Variants in ANKRD30B observed in about 807,000 individuals in gnomAD.
ANKRD30B encodes ankyrin repeat domain-containing protein 30B.
Under a neutral mutation model 202.2 loss-of-function variants are expected in ANKRD30B, and 144 were observed. The ratio of observed to expected loss-of-function variants is 0.71; its 90% CI spans 0.62 to 0.82. The LOEUF is 0.82. Ranked by LOEUF, ANKRD30B falls within the 40% of genes least tolerant of loss-of-function variation. The pLI is 0.00. For synonymous variants in ANKRD30B, 508 were observed against 561.3 expected, an observed-to-expected ratio of 0.91 and a Z score of 1.34; for missense variants, 1,487 against 1,669.1, an observed-to-expected ratio of 0.89 and a Z score of 1.90.
At chr18:14,863,386 C>T in the ANKRD30B span, among the ~76,000 whole-genome samples, 7 of 152,162 alleles carry the variant, frequency 4.6e-5, no homozygotes, top group South Asian at 4.2e-4. Flanking sequence ...AACAGCCTGC[C>T]GTGTTCCCCT....
intron 16 of ANKRD30B, among the ~76,000 whole-genome samples, chr18:14,794,456 T>G (rs1416765222): frequency 6.6e-6 from 1 of 151,872 alleles, no homozygotes; most frequent in Non-Finnish European, 1.5e-5. Flanking sequence ...ACTCATTTCC[T>G]ATCTCATGAC....
chr18:14,893,615 A>C, the ANKRD30B span, among the ~76,000 whole-genome samples: 39 of 134,290 alleles, frequency 2.9e-4, no homozygotes, highest in East Asian at 7.9e-4. Context: ...CCATCTCACA[A>C]AAAAAAAAAA....
intron 20 of ANKRD30B, 81 bp from the exon 21 acceptor site, chr18:14,799,020 T>G: frequency 7.5e-7 from 1 of 1,329,162 alleles, no homozygotes. Flanking sequence ...AGGATTCGTC[T>G]TCATATTCAC....
intron 30 of ANKRD30B, among the ~76,000 whole-genome samples, chr18:14,820,006 T>A: frequency 6.6e-6 from 1 of 152,100 alleles, no homozygotes; most frequent in Non-Finnish European, 1.5e-5. Flanking sequence ...CATGGAATGT[T>A]CTTCCATTTG....
intron 24 of ANKRD30B, among the ~76,000 whole-genome samples, chr18:14,806,557 G>C (rs1228531353): frequency 1.3e-5 from 2 of 150,042 alleles, no homozygotes; most frequent in Non-Finnish European, 3.0e-5. Flanking sequence ...TTCCCTGCTT[G>C]CTTCCTCTGC....
the ANKRD30B span, among the ~76,000 whole-genome samples, chr18:14,870,206 G>A: frequency 1.3e-5 from 2 of 152,182 alleles, no homozygotes; most frequent in East Asian, 1.9e-4. Context: ...ATAGCTCACT[G>A]CAGGCTCAGA....
chr18:14,768,878 A>G (rs763924577), intron 7 of ANKRD30B, among the ~76,000 whole-genome samples: 9 of 152,180 alleles, frequency 5.9e-5, no homozygotes, highest in Admixed American at 2.6e-4. Flanking sequence ...GATTATGACT[A>G]TTGTATACTG....
the ANKRD30B span, chr18:14,883,957 C>G: frequency 4.8e-6 from 1 of 209,442 alleles, no homozygotes; most frequent in Non-Finnish European, 7.7e-6. Context: ...TTATTAGACC[C>G]TGTAGAATCC....
At chr18:14,856,100 T>C (rs1438203153), downstream of ANKRD30B, among the ~76,000 whole-genome samples, 1 of 139,270 alleles carries the variant, frequency 7.2e-6, no homozygotes, top group African/African-American at 2.7e-5. Flanking sequence ...GCAGAGGCGC[T>C]CCTCACCTCC....
the ANKRD30B span, among the ~76,000 whole-genome samples, chr18:14,891,296 C>G: frequency 1.8e-3 from 271 of 149,142 alleles, 7 homozygotes; most frequent in Non-Finnish European, 5.1e-4. Flanking sequence ...AATAAAATTT[C>G]TATTCATGTC....
At position 14,764,052 on chromosome 18, in the gene ANKRD30B, G is replaced by A. The variant is rs1291010870; in HGVS notation, c.1187G>A (p.Cys396Tyr). 6.4e-7 allele frequency: 1 copy of A among 1,550,724 alleles called. No individual in the cohort carries two copies. The highest frequency in any genetic ancestry group is 2.3e-5 in the East Asian group (1 of 43,068). The change falls in exon 7 of 44, where the codon TGT (cysteine) becomes TAT (tyrosine). Residue 396 changes from cysteine to tyrosine, a missense_variant. By Grantham distance (194) the Cys-to-Tyr change is radical (BLOSUM62 -2). Around this residue, in one of 6 missense-constraint regions of ANKRD30B, gnomAD observed 889 missense variants for 841.4 expected, o/e 1.06. Coordinates refer to ENST00000690538, the MANE Select transcript of ANKRD30B (RefSeq NM_001367607.2). ...LEKGTSNMIA[C>Y]PTKETSTKAS... is the part of the protein sequence containing the mutation. ...AAAGGAACATCTAATATGATTGCAT[G>A]TCCTACAAAAGAAACATCTACAAAA...
At chr18:14,891,255 A>AT in the ANKRD30B span, among the ~76,000 whole-genome samples, 1 of 151,158 alleles carries the variant, frequency 6.6e-6, no homozygotes, top group African/African-American at 2.4e-5. Context: ...TCTCTTATTT[A>AT]TTTTTTTGAC....
At chr18:14,808,322 T>A (rs1969660393) in intron 24 of ANKRD30B, 1 of 547,690 alleles carries the variant, frequency 1.8e-6, no homozygotes, top group Admixed American at 2.4e-5. Context: ...TTTTGACTGT[T>A]GAAATCTTCA....
chr18:14,818,981 G>T (rs1343296085), intron 30 of ANKRD30B, among the ~76,000 whole-genome samples: 1 of 152,128 alleles, frequency 6.6e-6, no homozygotes, highest in East Asian at 1.9e-4. Context: ...CCCACCAACA[G>T]TGTCAAAGTG....
At chr18:14,793,799 C>G (rs895004463) in intron 16 of ANKRD30B, among the ~76,000 whole-genome samples, 73 of 151,704 alleles carry the variant, frequency 4.8e-4, no homozygotes, top group African/African-American at 1.7e-3. Flanking sequence ...GAGGTTGAGG[C>G]AGGAGAATGG....
chr18:14,797,219 C>T (rs553794337), intron 18 of ANKRD30B, among the ~76,000 whole-genome samples: 26 of 152,188 alleles, frequency 1.7e-4, no homozygotes, highest in South Asian at 4.1e-4. Context: ...CCCCCCCATG[C>T]GTCTGTTTAT....
At chr18:14,867,422 T>A in the ANKRD30B span, among the ~76,000 whole-genome samples, 1 of 151,948 alleles carries the variant, frequency 6.6e-6, no homozygotes, top group African/African-American at 2.4e-5. Flanking sequence ...GCCCTTCTCC[T>A]CTTCCTGGAC....
At chr18:14,864,780 CTG>C in the ANKRD30B span, among the ~76,000 whole-genome samples, 1 of 151,856 alleles carries the variant, frequency 6.6e-6, no homozygotes, top group South Asian at 2.1e-4. Flanking sequence ...TACCCAAAAA[CTG>C]TTTCCCTATC....
At position 14,765,261 on chromosome 18, in the gene ANKRD30B, G is replaced by A. The variant is rs181752119; in HGVS notation, c.1225+1171G>A. ...GGATCGTGAGGTTAGGAGTTCGTTC[G>A]AGAACAGCTTGGCCAATATGGTGAA... On this transcript the variant is annotated intron_variant, in intron 7 of 43. Coordinates refer to ENST00000690538, the MANE Select transcript of ANKRD30B (RefSeq NM_001367607.2). 1.6e-3 allele frequency among the ~76,000 whole-genome samples: 250 copies of A among 152,120 alleles called. 1 individual carries two copies. Among genetic ancestry groups the A allele is most frequent in the Middle Eastern group, 3.4e-3 (1 of 294 alleles).
Sources: allele counts gnomAD v4.1 joint callset (sites outside exome capture counted in the v4.1 genomes callset), GRCh38; gene constraint gnomAD v4.1.1; regional missense constraint gnomAD v4.1.1; transcripts MANE v1.5; gene names NCBI Gene and HGNC (gene_info 2026-07-23, HGNC 2026-07-21).